DIS3L2: variants seen among roughly 807,000 people sequenced by gnomAD.
The protein encoded by DIS3L2 is DIS3-like exonuclease 2.
A neutral mutation model predicts 97.5 loss-of-function variants in DIS3L2; 34 were observed. That is an observed-to-expected ratio of 0.35 (90% CI 0.27 to 0.46). The LOEUF (loss-of-function observed/expected upper bound fraction) is 0.46, where lower values mean the gene tolerates loss of function less well. Among genes scored for constraint, DIS3L2 ranks in the 20% least tolerant of loss-of-function variants. The probability of loss-of-function intolerance (pLI) is 1.00; values close to 1 mark genes in which losing one functional copy is unlikely to be tolerated. For synonymous variants in DIS3L2, 435 were observed against 445.2 expected (o/e 0.98, Z 0.29); for missense variants, 1,038 against 1,146.0 (o/e 0.91, Z 1.36).
chr2:232,061,340 A>T (rs1225704871), intron 5 of DIS3L2, among the ~76,000 whole-genome samples: 2 of 152,216 alleles, frequency 1.3e-5, no homozygotes, highest in Admixed American at 1.3e-4. Context: ...CAAAGAAAGT[A>T]AGAAGGGAAA....
At chr2:232,202,038 C>T (rs1299032978) in intron 9 of DIS3L2, among the ~76,000 whole-genome samples, 1 of 152,202 alleles carries the variant, frequency 6.6e-6, no homozygotes. Flanking sequence ...TGGCCCATCC[C>T]TTGATCTCTG....
intron 8 of DIS3L2, among the ~76,000 whole-genome samples, chr2:232,139,518 G>A (rs1017679364): frequency 1.7e-4 from 26 of 152,146 alleles, no homozygotes; most frequent in African/African-American, 5.8e-4. Flanking sequence ...TCCCATCCAT[G>A]ACTCACACCC....
chr2:232,275,870 G>A (rs1694126791), intron 13 of DIS3L2, among the ~76,000 whole-genome samples: 1 of 152,218 alleles, frequency 6.6e-6, no homozygotes, highest in Non-Finnish European at 1.5e-5. Flanking sequence ...AGCCTGGACA[G>A]CAGGTGTGCA....
chr2:232,043,709 T>G (rs1001985153), intron 5 of DIS3L2, among the ~76,000 whole-genome samples: 1 of 152,182 alleles, frequency 6.6e-6, no homozygotes, highest in African/African-American at 2.4e-5. Context: ...GATTTTGGAA[T>G]TAAGTTAATG....
chr2:232,088,991 A>C (rs73001173), intron 6 of DIS3L2, among the ~76,000 whole-genome samples: 2 of 152,190 alleles, frequency 1.3e-5, no homozygotes, highest in African/African-American at 4.8e-5. Flanking sequence ...ATGAAAGGCT[A>C]GGAGAAATGC....
intron 14 of DIS3L2, among the ~76,000 whole-genome samples, chr2:232,324,925 G>A (rs1340770011): frequency 2.0e-5 from 3 of 152,216 alleles, no homozygotes; most frequent in African/African-American, 7.2e-5. Context: ...AGGGCCAGGA[G>A]AGGGGAGGGA....
intron 10 of DIS3L2, among the ~76,000 whole-genome samples, chr2:232,234,268 TCAAAG>T (rs1405886009): frequency 6.6e-6 from 1 of 152,252 alleles, no homozygotes; most frequent in Non-Finnish European, 1.5e-5. Flanking sequence ...ATAGCTGTAG[TCAAAG>T]TTAGCTTGTG....
chr2:232,111,422 C>T (rs1315280659), intron 6 of DIS3L2, among the ~76,000 whole-genome samples: 1 of 152,002 alleles, frequency 6.6e-6, no homozygotes, highest in African/African-American at 2.4e-5. Context: ...TCTGCTTGTT[C>T]CCCAGATTCC....
At chr2:231,988,813 A>C (rs1049421926) in intron 1 of DIS3L2, among the ~76,000 whole-genome samples, 2 of 152,246 alleles carry the variant, frequency 1.3e-5, no homozygotes, top group Admixed American at 1.3e-4. Flanking sequence ...AAAAAAATAA[A>C]TAACTAACAC....
At chr2:232,164,682 A>G (rs1447756291) in intron 9 of DIS3L2, among the ~76,000 whole-genome samples, 4 of 152,158 alleles carry the variant, frequency 2.6e-5, no homozygotes, top group Admixed American at 6.5e-5. Flanking sequence ...GGAGATGATC[A>G]TTAGTCCCCT....
At chr2:232,109,845 A>G (rs1697471036) in intron 6 of DIS3L2, among the ~76,000 whole-genome samples, 1 of 152,248 alleles carries the variant, frequency 6.6e-6, no homozygotes, top group African/African-American at 2.4e-5. Context: ...ATTGCAACAA[A>G]AGCAAAAATT....
intron 1 of DIS3L2, among the ~76,000 whole-genome samples, chr2:231,993,463 C>T (rs952615630): frequency 1.3e-5 from 2 of 152,172 alleles, no homozygotes; most frequent in Admixed American, 6.5e-5. Flanking sequence ...ATCCACCTGC[C>T]TCGGCCTCCC....
intron 14 of DIS3L2, among the ~76,000 whole-genome samples, chr2:232,324,886 ACT>A (rs1695530791): frequency 6.6e-6 from 1 of 152,216 alleles, no homozygotes; most frequent in African/African-American, 2.4e-5. Context: ...CATGCAAGCC[ACT>A]GAGGAGAAGC....
At chr2:231,979,230 T>G (rs1177517299) in intron 1 of DIS3L2, among the ~76,000 whole-genome samples, 2 of 151,818 alleles carry the variant, frequency 1.3e-5, no homozygotes, top group East Asian at 3.8e-4. Context: ...CACCTACAGT[T>G]TATTTTATTT....
chr2:232,245,713 G>A (rs1693228677), intron 11 of DIS3L2, among the ~76,000 whole-genome samples: 2 of 152,156 alleles, frequency 1.3e-5, no homozygotes, highest in South Asian at 4.1e-4. Flanking sequence ...CACTTAGATT[G>A]GTAACTGACC....
chr2:231,971,689 G>A (rs941160923), intron 1 of DIS3L2, among the ~76,000 whole-genome samples: 30 of 151,772 alleles, frequency 2.0e-4, no homozygotes, highest in African/African-American at 6.5e-4. Context: ...CTTGTGATCC[G>A]CCTGCCTTGG....
At chr2:232,006,935 A>G (rs1694068531) in intron 1 of DIS3L2, among the ~76,000 whole-genome samples, 3 of 152,206 alleles carry the variant, frequency 2.0e-5, no homozygotes. Context: ...AGAAAACTTT[A>G]CTTCATTATA....
chr2:232,238,450 A>T, intron 10 of DIS3L2, 83 bp from the exon 11 acceptor site: 1 of 1,141,606 alleles, frequency 8.8e-7, no homozygotes, highest in African/African-American at 1.5e-5. Flanking sequence ...TCTGGGAGTG[A>T]CATACATTCT....
rs1698363061 is a variant in DIS3L2 at position 232,136,537 on chromosome 2, T to A, written c.768T>A (p.Asp256Glu). 6.2e-7 allele frequency: 1 copy of A among 1,614,096 alleles called. No individual in the cohort carries two copies. The highest frequency in any genetic ancestry group is 1.3e-5 in the African/African-American group (1 of 75,048). The change falls in exon 8 of 21, where the codon GAT becomes GAA. Residue 256 changes from aspartate (D) to glutamate (E), a missense_variant. Physicochemically the swap from Asp to Glu is conservative, Grantham distance 45. This residue lies in a region of DIS3L2 where 813 missense variants were observed against 880.1 expected (regional missense o/e 0.92). Transcript: ENST00000325385. ...CCGGCTTCCTCAAACTCTTGGCTGA[T>A]AAGAACAGCGAACTGTTTAGGAAAT... ...AATGFLKLLA[D>E]KNSELFRKYA...
Sources: allele counts gnomAD v4.1 joint callset (sites outside exome capture counted in the v4.1 genomes callset), GRCh38; gene constraint gnomAD v4.1.1; regional missense constraint gnomAD v4.1.1; transcripts MANE v1.5; gene names NCBI Gene and HGNC (gene_info 2026-07-23, HGNC 2026-07-21).